The following DOCK2 variants were observed in gnomAD, a reference collection of about 807,000 sequenced individuals.
DOCK2 encodes dedicator of cytokinesis protein 2.
In DOCK2, 87 loss-of-function variants were observed where a neutral mutation model predicts 248.9. That is an observed-to-expected ratio of 0.35 (90% CI 0.29 to 0.42). The LOEUF (loss-of-function observed/expected upper bound fraction) is 0.42, where lower values mean the gene tolerates loss of function less well. DOCK2 is among the 10% of genes least tolerant of loss of function. The pLI is 1.00. For missense variants in DOCK2, 1,747 were observed against 2,300.2 expected (o/e 0.76, Z 4.92); for synonymous variants, 805 against 821.6 (o/e 0.98, Z 0.35).
intron 2 of DOCK2, among the ~76,000 whole-genome samples, chr5:169,656,862 A>G (rs1758152116): frequency 6.6e-6 from 1 of 152,020 alleles, no homozygotes. Flanking sequence ...TACGAAGGCT[A>G]CTCTGGTGGA....
intron 26 of DOCK2, among the ~76,000 whole-genome samples, chr5:169,806,132 GC>G (rs148840250): frequency 0.12 from 18,378 of 151,396 alleles, 1,175 homozygotes; most frequent in Non-Finnish European, 0.14. Flanking sequence ...AAAATGAGAG[GC>G]CCAAAAGTAC....
intron 26 of DOCK2, among the ~76,000 whole-genome samples, chr5:169,834,609 C>CTTAGCATCACACACAATGAAATG (rs1769435098): frequency 8.3e-6 from 1 of 120,662 alleles, no homozygotes. Context: ...CAGTGCTCTC[C>CTTAGCATCACACACAATGAAATG]AGCTAAATGT....
intron 29 of DOCK2, among the ~76,000 whole-genome samples, chr5:169,992,798 G>A (rs879858906): frequency 2.0e-5 from 3 of 151,936 alleles, no homozygotes; most frequent in Admixed American, 2.0e-4. Context: ...AGAAAAATGA[G>A]AAGAAAAATG....
intron 40 of DOCK2, among the ~76,000 whole-genome samples, chr5:170,049,378 G>T (rs969136042): frequency 3.3e-5 from 5 of 152,222 alleles, no homozygotes; most frequent in African/African-American, 1.2e-4. Context: ...CTCCCAAAGT[G>T]CTGGGATTAC....
intron 22 of DOCK2, among the ~76,000 whole-genome samples, chr5:169,743,815 A>T (rs1763457949): frequency 6.7e-6 from 1 of 148,666 alleles, no homozygotes; most frequent in Non-Finnish European, 1.5e-5. Context: ...AAATATGTAT[A>T]TATATTTTAG....
chr5:169,765,465 G>A (rs1317579571), intron 25 of DOCK2, among the ~76,000 whole-genome samples: 2 of 152,198 alleles, frequency 1.3e-5, no homozygotes, highest in Non-Finnish European at 2.9e-5. Context: ...ACAGGAGAAA[G>A]GACGCACAGA....
At chr5:170,038,744 C>G (rs1208032711) in intron 36 of DOCK2, among the ~76,000 whole-genome samples, 2 of 152,178 alleles carry the variant, frequency 1.3e-5, no homozygotes, top group Non-Finnish European at 2.9e-5. Flanking sequence ...AGGGTGCCTT[C>G]TTTTGGGTTC....
chr5:169,866,454 G>A (rs1369459436), intron 27 of DOCK2, among the ~76,000 whole-genome samples: 2 of 152,226 alleles, frequency 1.3e-5, no homozygotes, highest in Admixed American at 1.3e-4. Context: ...CCTCAGTGAA[G>A]CTTAAATGCC....
intron 22 of DOCK2, among the ~76,000 whole-genome samples, chr5:169,744,102 G>A (rs1763473366): frequency 6.6e-6 from 1 of 151,970 alleles, no homozygotes. Flanking sequence ...CCACTGGAGT[G>A]GAGGCCCCTA....
rs138478687 is a variant in DOCK2 at position 170,080,126 on chromosome 5, T to TTG, written c.5167-19_5167-18dup. ...TCTGCCTCATGCTAAGCCTCTGTCT[T>TTG]TGTGTGTGTGTGTGTGTGTCTGGTG... On this transcript the variant is annotated intron_variant, in intron 49 of 51. Transcript: ENST00000520908. The TTG allele has an allele frequency of 1.6e-3, 2,341 of 1,500,450 alleles. 2 individuals carry two copies. Among genetic ancestry groups the TTG allele is most frequent in the East Asian group, 8.0e-3 (331 of 41,408 alleles). The allele number at this position is 1,500,450 out of a possible 1,614,324, so 92.9% of individuals were successfully genotyped here.
At chr5:169,745,951 G>A (rs144438303) in intron 22 of DOCK2, among the ~76,000 whole-genome samples, 1 of 152,250 alleles carries the variant, frequency 6.6e-6, no homozygotes, top group Non-Finnish European at 1.5e-5. Context: ...GGAAGAGAAT[G>A]AGGAGCCCTA....
At chr5:169,675,118 G>C (rs1214219973) in intron 6 of DOCK2, among the ~76,000 whole-genome samples, 1 of 152,084 alleles carries the variant, frequency 6.6e-6, no homozygotes, top group African/African-American at 2.4e-5. Flanking sequence ...ACTTTTTTCC[G>C]ATAAAGAAAC....
intron 27 of DOCK2, among the ~76,000 whole-genome samples, chr5:169,867,235 C>T (rs749797991): frequency 1.1e-4 from 17 of 152,204 alleles, no homozygotes; most frequent in Non-Finnish European, 2.1e-4. Flanking sequence ...TCTTGACCCA[C>T]AATCAGATTA....
At chr5:169,662,913 A>G (rs1758525223) in intron 2 of DOCK2, among the ~76,000 whole-genome samples, 1 of 152,198 alleles carries the variant, frequency 6.6e-6, no homozygotes, top group Non-Finnish European at 1.5e-5. Flanking sequence ...ATGCCTTCCC[A>G]ACAGTCCCCC....
chr5:169,669,455 C>T (rs750555238), intron 3 of DOCK2, 127 bp downstream of exon 3: 2 of 1,007,386 alleles, frequency 2.0e-6, no homozygotes, highest in Non-Finnish European at 3.1e-6. Flanking sequence ...CTCCTGTGCC[C>T]TGTGCTCTCT....
intron 32 of DOCK2, among the ~76,000 whole-genome samples, chr5:170,015,909 T>G (rs1397971809): frequency 6.6e-6 from 1 of 151,348 alleles, no homozygotes; most frequent in African/African-American, 2.4e-5. Context: ...CTTCCTTCTT[T>G]CCTTCCTTTC....
chr5:169,802,997 T>C lies in DOCK2; in HGVS notation c.2555-61T>C, dbSNP rs1343202848. On this transcript the variant is annotated intron_variant, in intron 25 of 51. Transcript: ENST00000520908. ...TTTAATGAAACATTGTATGCATATA[T>C]GAAAGAAAAGAAACTAAAAAATGAG... is the stretch of plus-strand genomic sequence containing the variant. 3.9e-5 allele frequency: 61 copies of C among 1,578,936 alleles called. No individual in the cohort carries two copies. The Admixed American group carries it at 7.0e-4, about 18-fold the overall frequency.
chr5:169,870,016 C>T (rs1274739455), intron 27 of DOCK2, among the ~76,000 whole-genome samples: 9 of 152,124 alleles, frequency 5.9e-5, no homozygotes, highest in Admixed American at 1.3e-4. Context: ...TGCAAAATTC[C>T]GGACACGAGC....
chr5:169,965,679 G>A (rs1777272939), intron 27 of DOCK2, among the ~76,000 whole-genome samples: 1 of 152,008 alleles, frequency 6.6e-6, no homozygotes, highest in African/African-American at 2.4e-5. Context: ...CCTCATCCAA[G>A]GAACAAGAAA....
Sources: gnomAD v4.1 joint callset for allele counts (sites outside exome capture counted in the v4.1 genomes callset) on GRCh38, gnomAD v4.1.1 for gene constraint, MANE v1.5 for transcripts, NCBI Gene and HGNC (gene_info 2026-07-23, HGNC 2026-07-21) for gene names.